The following CAMK1D variants were observed in gnomAD, a reference collection of about 807,000 sequenced individuals.
CAMK1D encodes calcium/calmodulin dependent protein kinase ID.
Under a neutral mutation model 47.7 loss-of-function variants are expected in CAMK1D, and 9 were observed. The ratio of observed to expected loss-of-function variants is 0.19; its 90% CI spans 0.11 to 0.33. The LOEUF (loss-of-function observed/expected upper bound fraction) is 0.33, where lower values mean the gene tolerates loss of function less well. CAMK1D is among the 10% of genes least tolerant of loss of function. The pLI is 1.00. For synonymous variants in CAMK1D, 184 were observed against 184.9 expected, an observed-to-expected ratio of 0.99 and a Z score of 0.04; for missense variants, 291 against 488.7, an observed-to-expected ratio of 0.60 and a Z score of 3.81.
At chr10:12,799,849 G>A (rs894179877) in intron 6 of CAMK1D, among the ~76,000 whole-genome samples, 1 of 152,048 alleles carries the variant, frequency 6.6e-6, no homozygotes, top group African/African-American at 2.4e-5. Flanking sequence ...GTCATGCTTG[G>A]GGATGTGTTT....
intron 2 of CAMK1D, among the ~76,000 whole-genome samples, chr10:12,587,449 C>T (rs1036932614): frequency 2.0e-5 from 3 of 151,894 alleles, no homozygotes; most frequent in Non-Finnish European, 4.4e-5. Flanking sequence ...GCTTTGATGA[C>T]AGCCGGGGCT....
chr10:12,734,433 TAC>T (rs1278593658), intron 3 of CAMK1D, among the ~76,000 whole-genome samples: 6 of 2,324 alleles, frequency 2.6e-3, no homozygotes, highest in South Asian at 0.019. Flanking sequence ...TATATATATA[TAC>T]ACACACACAT....
intron 1 of CAMK1D, among the ~76,000 whole-genome samples, chr10:12,435,715 G>A (rs779963089): frequency 3.3e-5 from 5 of 152,200 alleles, no homozygotes; most frequent in Non-Finnish European, 5.9e-5. Context: ...TAACAGATGA[G>A]GGATGTAGGT....
At chr10:12,441,489 G>A (rs2132013071) in intron 1 of CAMK1D, among the ~76,000 whole-genome samples, 1 of 150,836 alleles carries the variant, frequency 6.6e-6, no homozygotes, top group Admixed American at 6.6e-5. Context: ...GAGCCACTGT[G>A]CTTGGCCTTT....
chr10:12,672,661 G>A lies in CAMK1D; in HGVS notation c.299+5851G>A, dbSNP rs12251613. On this transcript the variant is annotated intron_variant, in intron 3 of 10. Transcript: ENST00000619168. Reference sequence around the variant, plus strand: ...GCTGGGATTACAGACGTGAGCCACTGTGCCGGGTCAGCTTTTCTACCTAGG... The same window carrying A: ...GCTGGGATTACAGACGTGAGCCACTATGCCGGGTCAGCTTTTCTACCTAGG... Among the ~76,000 whole-genome samples, 1,417 of 152,168 alleles carry A rather than the reference G, an allele frequency of 9.3e-3. 28 individuals are homozygous for A. The highest frequency in any genetic ancestry group is 0.033 in the African/African-American group (1,365 of 41,504).
At chr10:12,612,323 TTTAA>T (rs941042082) in intron 2 of CAMK1D, among the ~76,000 whole-genome samples, 2 of 150,108 alleles carry the variant, frequency 1.3e-5, no homozygotes, top group Non-Finnish European at 2.9e-5. Context: ...CAAATTGGGC[TTTAA>T]TTAATTAATT....
chr10:12,406,960 C>T (rs927706123), intron 1 of CAMK1D, among the ~76,000 whole-genome samples: 8 of 152,200 alleles, frequency 5.3e-5, no homozygotes, highest in South Asian at 2.1e-4. Flanking sequence ...ATCTTGATAC[C>T]GCAGACTTGC....
At chr10:12,624,931 C>T (rs891718465) in intron 2 of CAMK1D, among the ~76,000 whole-genome samples, 5 of 152,242 alleles carry the variant, frequency 3.3e-5, no homozygotes, top group South Asian at 4.2e-4. Flanking sequence ...AGAATCTTCT[C>T]ATACCTATGC....
chr10:12,773,937 A>G (rs1165433575), intron 5 of CAMK1D, among the ~76,000 whole-genome samples: 2 of 152,132 alleles, frequency 1.3e-5, no homozygotes, highest in Non-Finnish European at 2.9e-5. Context: ...TGAATAAGGT[A>G]CAAATTCTGA....
At chr10:12,661,708 A>G (rs551248765) in intron 2 of CAMK1D, among the ~76,000 whole-genome samples, 1 of 152,370 alleles carries the variant, frequency 6.6e-6, no homozygotes, top group South Asian at 2.1e-4. Context: ...GAAATGTTTG[A>G]GAAAACAATG....
At chr10:12,697,686 A>C (rs1018878901) in intron 3 of CAMK1D, among the ~76,000 whole-genome samples, 4 of 152,118 alleles carry the variant, frequency 2.6e-5, no homozygotes, top group African/African-American at 9.7e-5. Flanking sequence ...GGCGTGAGCC[A>C]CTCCACCCAG....
At chr10:12,504,246 ACAC>A (rs1046099420) in intron 1 of CAMK1D, among the ~76,000 whole-genome samples, 7 of 151,944 alleles carry the variant, frequency 4.6e-5, no homozygotes, top group Admixed American at 1.3e-4. Context: ...ACACACACAC[ACAC>A]ATCTAGGAGC....
chr10:12,705,643 C>A (rs1833702148), intron 3 of CAMK1D, among the ~76,000 whole-genome samples: 1 of 152,100 alleles, frequency 6.6e-6, no homozygotes, highest in Non-Finnish European at 1.5e-5. Context: ...GTAGACAATC[C>A]TACTCAAGGT....
chr10:12,813,035 T>C (rs1020374715), intron 6 of CAMK1D, among the ~76,000 whole-genome samples: 2 of 152,238 alleles, frequency 1.3e-5, no homozygotes, highest in Non-Finnish European at 2.9e-5. Flanking sequence ...GAATGAATTG[T>C]AGTGGGTCTA....
chr10:12,594,802 C>G (rs1277282775), intron 2 of CAMK1D, among the ~76,000 whole-genome samples: 3 of 152,186 alleles, frequency 2.0e-5, no homozygotes, highest in African/African-American at 7.2e-5. Context: ...TGGTTCTCAT[C>G]TGCTCGGCCT....
chr10:12,755,922 C>T (rs1183608520), intron 3 of CAMK1D, among the ~76,000 whole-genome samples: 2 of 152,114 alleles, frequency 1.3e-5, no homozygotes, highest in African/African-American at 4.8e-5. Context: ...GTTCTGGGGC[C>T]CATTGAGACC....
At chr10:12,412,211 C>T (rs945519992) in intron 1 of CAMK1D, among the ~76,000 whole-genome samples, 1 of 152,062 alleles carries the variant, frequency 6.6e-6, no homozygotes, top group Admixed American at 6.5e-5. Flanking sequence ...GAGCTGGTGG[C>T]GTTGATGACT....
At chr10:12,742,951 G>A (rs537676657) in intron 3 of CAMK1D, among the ~76,000 whole-genome samples, 79 of 152,314 alleles carry the variant, frequency 5.2e-4, no homozygotes, top group African/African-American at 1.8e-3. Flanking sequence ...TGTTAAAAGA[G>A]GAAGGGTGTG....
chr10:12,557,411 G>T (rs944772230), intron 2 of CAMK1D, among the ~76,000 whole-genome samples: 8 of 151,970 alleles, frequency 5.3e-5, no homozygotes, highest in African/African-American at 1.9e-4. Flanking sequence ...AATTGGCCGG[G>T]TATGGTGGTG....
Sources: allele counts gnomAD v4.1 joint callset (sites outside exome capture counted in the v4.1 genomes callset), GRCh38; gene constraint gnomAD v4.1.1; transcripts MANE v1.5; gene names NCBI Gene and HGNC (gene_info 2026-07-23, HGNC 2026-07-21).